ARPP21: variants seen among roughly 807,000 people sequenced by gnomAD.
ARPP21 encodes the protein cAMP regulated phosphoprotein 21, also known as cAMP-regulated phosphoprotein 21.
A neutral mutation model predicts 113.2 loss-of-function variants in ARPP21; 69 were observed. The ratio of observed to expected loss-of-function variants is 0.61; its 90% CI spans 0.50 to 0.74. The LOEUF (loss-of-function observed/expected upper bound fraction) is 0.74, where lower values mean the gene tolerates loss of function less well. Ranked by LOEUF, ARPP21 falls within the 30% of genes least tolerant of loss-of-function variation. ARPP21 has a pLI of 0.00. For missense variants in ARPP21, 1,070 were observed against 1,037.4 expected, an observed-to-expected ratio of 1.03 and a Z score of -0.43; for synonymous variants, 368 against 375.5, an observed-to-expected ratio of 0.98 and a Z score of 0.23.
intron 15 of ARPP21, among the ~76,000 whole-genome samples, chr3:35,734,795 C>T (rs2094233793): frequency 6.6e-6 from 1 of 152,138 alleles, no homozygotes; most frequent in Admixed American, 6.6e-5. Context: ...TTTTACTTTC[C>T]TAATTTATTG....
intron 16 of ARPP21, 33 bp downstream of exon 16, chr3:35,737,395 GTAC>G: frequency 6.6e-7 from 1 of 1,507,634 alleles, no homozygotes; most frequent in South Asian, 1.2e-5. Context: ...GGGAAGGGAA[GTAC>G]CCTGAGATGA....
At chr3:35,699,381 T>C (rs1036727312) in intron 9 of ARPP21, among the ~76,000 whole-genome samples, 1 of 151,680 alleles carries the variant, frequency 6.6e-6, no homozygotes, top group African/African-American at 2.4e-5. Context: ...TTAGCACTTG[T>C]ACTTTGGGAA....
At chr3:35,767,621 G>A (rs936669535) in intron 19 of ARPP21, among the ~76,000 whole-genome samples, 6 of 152,100 alleles carry the variant, frequency 3.9e-5, no homozygotes, top group African/African-American at 1.4e-4. Flanking sequence ...TATGTACATG[G>A]TAATATTTGA....
chr3:35,669,078 A>G (rs914412651), intron 1 of ARPP21, among the ~76,000 whole-genome samples: 12 of 152,104 alleles, frequency 7.9e-5, no homozygotes, highest in Non-Finnish European at 7.4e-5. Context: ...AATATTTCAT[A>G]TTCTACTTTC....
chr3:35,683,703 C>G, intron 4 of ARPP21, 23 bp from the exon 5 acceptor site: 1 of 878,724 alleles, frequency 1.1e-6, no homozygotes, highest in Non-Finnish European at 1.9e-6. Context: ...TCCTTTCCTT[C>G]CCTTTTCTTT....
At chr3:35,764,505 G>T (rs2095885432) in intron 19 of ARPP21, among the ~76,000 whole-genome samples, 1 of 151,986 alleles carries the variant, frequency 6.6e-6, no homozygotes, top group Admixed American at 6.6e-5. Context: ...AGTTAAATTT[G>T]GATTCTTATG....
intron 15 of ARPP21, among the ~76,000 whole-genome samples, chr3:35,736,883 A>G (rs2094387116): frequency 6.6e-6 from 1 of 152,194 alleles, no homozygotes; most frequent in South Asian, 2.1e-4. Context: ...GCTTCTCCAC[A>G]GGTCTCTCTA....
chr3:35,765,955 G>T (rs141780127), intron 19 of ARPP21, among the ~76,000 whole-genome samples: 1,687 of 152,194 alleles, frequency 0.011, 20 homozygotes, highest in Non-Finnish European at 0.015. Context: ...CAAGTGAGGG[G>T]CATTTAGTGT....
intron 1 of ARPP21, among the ~76,000 whole-genome samples, chr3:35,653,335 C>T (rs140425761): frequency 8.1e-4 from 123 of 151,954 alleles, no homozygotes; most frequent in African/African-American, 2.7e-3. Flanking sequence ...TAATATGTAA[C>T]GGCCACACAA....
chr3:35,646,860 T>C (rs1700430844), intron 1 of ARPP21, among the ~76,000 whole-genome samples: 1 of 152,170 alleles, frequency 6.6e-6, no homozygotes, highest in Non-Finnish European at 1.5e-5. Context: ...ACTGGCATTG[T>C]ACTAAATTCA....
chr3:35,786,273 C>A (rs972029858), intron 19 of ARPP21, among the ~76,000 whole-genome samples: 1 of 152,086 alleles, frequency 6.6e-6, no homozygotes, highest in South Asian at 2.1e-4. Flanking sequence ...CCTGTAATCC[C>A]GGCACTTTGG....
At chr3:35,709,460 A>G in intron 11 of ARPP21, among the ~76,000 whole-genome samples, 1 of 152,210 alleles carries the variant, frequency 6.6e-6, no homozygotes, top group Non-Finnish European at 1.5e-5. Context: ...TACAAAGAAG[A>G]GAGAATCTGT....
At chr3:35,711,091 C>T (rs1157032936) in intron 11 of ARPP21, among the ~76,000 whole-genome samples, 1 of 152,194 alleles carries the variant, frequency 6.6e-6, no homozygotes, top group Admixed American at 6.6e-5. Flanking sequence ...GGCTTCTTCT[C>T]TCTGTAGGAA....
chr3:35,666,301 C>T (rs1255395195), intron 1 of ARPP21, among the ~76,000 whole-genome samples: 1 of 152,076 alleles, frequency 6.6e-6, no homozygotes, highest in Non-Finnish European at 1.5e-5. Context: ...AAGCTTAGAA[C>T]AAAATATTCC....
At chr3:35,680,501 C>T (rs552272017) in intron 2 of ARPP21, among the ~76,000 whole-genome samples, 64 of 151,902 alleles carry the variant, frequency 4.2e-4, no homozygotes, top group Admixed American at 1.6e-3. Flanking sequence ...AGCAAAATTT[C>T]TGTGGTTTGT....
In ARPP21 at chr3:35,690,862, T is replaced by C. The variant is rs747450452; in HGVS notation, c.546-3T>C. 16 of 1,602,604 alleles carry C rather than the reference T, an allele frequency of 1.0e-5. No homozygotes were observed. Among genetic ancestry groups the C allele is most frequent in the Non-Finnish European group, 1.1e-5 (13 of 1,175,296 alleles). ...TTCCACTTTTTCTTGAATTATGTTC[T>C]AGTAATCATTATAAAAAGTTCCCTC... On this transcript the variant is annotated splice_polypyrimidine_tract_variant and splice_region_variant and intron_variant, in intron 8 of 20. Coordinates refer to ENST00000684406, the MANE Select transcript of ARPP21 (RefSeq NM_001385562.1).
intron 3 of ARPP21, 35 bp from the exon 4 acceptor site, chr3:35,682,813 A>ATTTTATTTTG: frequency 6.3e-7 from 1 of 1,578,898 alleles, no homozygotes; most frequent in African/African-American, 1.4e-5. Context: ...TGTTTGTTTT[A>ATTTTATTTTG]TTTTATTTTG....
At chr3:35,650,663 G>C (rs891524229) in intron 1 of ARPP21, among the ~76,000 whole-genome samples, 4 of 152,010 alleles carry the variant, frequency 2.6e-5, no homozygotes, top group African/African-American at 9.7e-5. Flanking sequence ...GGAAAGTTCT[G>C]TTGGTGGGAA....
chr3:35,744,002 A>G (rs1243240877), intron 19 of ARPP21, 37 bp downstream of exon 19: 19 of 1,612,670 alleles, frequency 1.2e-5, no homozygotes, highest in Non-Finnish European at 1.6e-5. Context: ...TTCTCAACCC[A>G]GTTATTTTTG....
Sources: allele counts gnomAD v4.1 joint callset (sites outside exome capture counted in the v4.1 genomes callset), GRCh38; gene constraint gnomAD v4.1.1; transcripts MANE v1.5; gene names NCBI Gene and HGNC (gene_info 2026-07-23, HGNC 2026-07-21).